ALG13: variants seen among roughly 807,000 people sequenced by gnomAD.
ALG13 encodes ALG13 UDP-N-acetylglucosaminyltransferase subunit.
ALG13 carries 11 observed loss-of-function variants against 87.8 expected under a neutral mutation model. That is an observed-to-expected ratio of 0.13 (90% confidence interval 0.08 to 0.21). ALG13 has a LOEUF of 0.21. ALG13 is among the 10% of genes least tolerant of loss of function. ALG13 has a pLI of 1.00. For missense variants in ALG13, 756 were observed against 866.1 expected (o/e 0.87, Z 1.60); for synonymous variants, 320 against 306.3 (o/e 1.04, Z -0.47).
intron 1 of ALG13, chrX:111,681,915 T>C (rs915450646): frequency 3.3e-6 from 3 of 900,027 alleles, no homozygotes; most frequent in Non-Finnish European, 4.2e-6. Flanking sequence ...CGCGGGACTC[T>C]GCGAGCTGGG....
chrX:111,735,958 TAC>T (rs1057028568), intron 22 of ALG13, among the ~76,000 whole-genome samples: 1 of 109,673 alleles, frequency 9.1e-6, no homozygotes, highest in African/African-American at 3.3e-5. Flanking sequence ...AAAAAAAAAA[TAC>T]AGTCTTACAA....
At chrX:111,757,493 A>AG in intron 25 of ALG13, 95 bp from the exon 26 acceptor site, 3 of 543,303 alleles carry the variant, frequency 5.5e-6, no homozygotes. Flanking sequence ...CCCAATTCTT[A>AG]TTTTTTTTTT....
In ALG13 at chrX:111,759,237, G is replaced by A. The variant is rs926543986; in HGVS notation, c.3149-497G>A. Among the ~76,000 whole-genome samples the A allele has an allele frequency of 7.4e-5, 8 of 107,847 alleles. No homozygotes were observed. The Admixed American group carries it at 8.0e-4, about 11-fold the overall frequency. 93.7% of individuals were successfully genotyped at this position (107,847 alleles called of 115,157 possible). ...ACTGGAACTGACTCATGGCAAAAGTGCTATGAAATTAAAATGTGATCTTAA... is the reference window on the plus strand; with the variant it reads ...ACTGGAACTGACTCATGGCAAAAGTACTATGAAATTAAAATGTGATCTTAA... On this transcript the variant is annotated intron_variant, in intron 26 of 26. Transcript: ENST00000394780.
chrX:111,741,867 G>A (rs1383293501), intron 23 of ALG13, among the ~76,000 whole-genome samples: 7 of 110,080 alleles, frequency 6.4e-5, no homozygotes, highest in African/African-American at 2.3e-4. Flanking sequence ...TACAATAAAT[G>A]TTAATGATGA....
intron 4 of ALG13, 47 bp from the exon 5 acceptor site, chrX:111,708,918 A>G (rs1277688600): frequency 2.4e-5 from 22 of 906,901 alleles, no homozygotes; most frequent in Middle Eastern, 2.7e-4. Context: ...AGAAGTGCCT[A>G]TTTTAAATGA....
At chrX:111,730,909 G>A (rs1274223415) in intron 21 of ALG13, among the ~76,000 whole-genome samples, 1 of 112,055 alleles carries the variant, frequency 8.9e-6, no homozygotes, top group Non-Finnish European at 1.9e-5. Flanking sequence ...GCTTGCTCAG[G>A]TACTTAGGCT....
chrX:111,729,951 C>G (rs1462927674), intron 19 of ALG13, among the ~76,000 whole-genome samples: 1 of 112,287 alleles, frequency 8.9e-6, no homozygotes, highest in Non-Finnish European at 1.9e-5. Flanking sequence ...CTTCCATTAA[C>G]CATCCTCAAA....
At chrX:111,701,924 C>T (rs192848941) in intron 3 of ALG13, among the ~76,000 whole-genome samples, 23 of 111,605 alleles carry the variant, frequency 2.1e-4, no homozygotes, top group African/African-American at 7.5e-4. Context: ...TTCTGTGACA[C>T]ATTGACTTGT....
In ALG13 at chrX:111,700,618, C is replaced by A. The variant is rs760748491; in HGVS notation, c.384-7409C>A. Reference sequence around the variant, plus strand: ...TTGAGATGGAGTCTCACCCTGTCATCCAGGCTGGAGTGCAATGGCGTGATC... The same window carrying A: ...TTGAGATGGAGTCTCACCCTGTCATACAGGCTGGAGTGCAATGGCGTGATC... On this transcript the variant is annotated intron_variant, in intron 3 of 26. Transcript: ENST00000394780. 2.9e-5 allele frequency among the ~76,000 whole-genome samples: 3 copies of A among 104,775 alleles called. No individual in the cohort carries two copies. The South Asian group carries it at 1.4e-3, about 48-fold the overall frequency. 91.0% of individuals were successfully genotyped at this position (104,775 alleles called of 115,157 possible).
intron 19 of ALG13, among the ~76,000 whole-genome samples, chrX:111,728,602 C>T (rs1278962889): frequency 9.0e-6 from 1 of 111,188 alleles, no homozygotes; most frequent in African/African-American, 3.3e-5. Context: ...AACATCTATT[C>T]GTTGTTAGTA....
rs189770099 is a variant in ALG13 at position 111,722,902 on chromosome X, T to C, written c.1500+45T>C. 5.2e-4 allele frequency: 503 copies of C among 966,955 alleles called. 3 individuals are homozygous for C. The African/African-American group carries it at 9.0e-3, about 17-fold the overall frequency. 79.7% of individuals were successfully genotyped at this position (966,955 alleles called of 1,213,427 possible). ...ATCAGTAATTTTTTTAAGAATGTGC[T>C]TTTTGTCATGATATGAGTTGAACAA... On this transcript the variant is annotated intron_variant, in intron 13 of 26. Transcript: ENST00000394780.
chrX:111,702,815 G>A (rs188083498), intron 3 of ALG13, among the ~76,000 whole-genome samples: 1 of 109,595 alleles, frequency 9.1e-6, no homozygotes, highest in African/African-American at 3.3e-5. Flanking sequence ...TAGCTTTTCT[G>A]AGAAAGGGTG....
rs768577063 is a variant in ALG13 at position 111,708,269 on chromosome X, A to G, written c.626A>G (p.Lys209Arg). 2 of 1,210,174 alleles carry G rather than the reference A, an allele frequency of 1.7e-6. No individual in the cohort carries two copies. Residue 209 changes from lysine (K) to arginine (R), a missense_variant, in exon 4 of 27, where the codon AAA becomes AGA. This residue lies in a region of ALG13 where 153 missense variants were observed against 168.7 expected (regional missense o/e 0.91). Transcript: ENST00000394780. ...CTGTACAAAATGCATAAAGGATGGA[A>G]AAACTACTGCAGCCAGAAGTCTTTG... ...PTLYKMHKGWKNYCSQKSLNE... is the reference protein window; with the variant it reads ...PTLYKMHKGWRNYCSQKSLNE...
chrX:111,754,595 A>G (rs1302988963), intron 25 of ALG13, among the ~76,000 whole-genome samples: 1 of 112,377 alleles, frequency 8.9e-6, no homozygotes, highest in Non-Finnish European at 1.9e-5. Flanking sequence ...GTTGTGTGCA[A>G]CACAAAATCA....
chrX:111,684,862 C>A, intron 2 of ALG13, 103 bp from the exon 3 acceptor site: 2 of 748,671 alleles, frequency 2.7e-6, no homozygotes, highest in Non-Finnish European at 3.9e-6. Flanking sequence ...GTTTGTAGTT[C>A]TGTCAACTTA....
intron 5 of ALG13, among the ~76,000 whole-genome samples, chrX:111,710,011 T>G (rs1180426673): frequency 9.2e-6 from 1 of 108,900 alleles, no homozygotes; most frequent in African/African-American, 3.4e-5. Flanking sequence ...TAGGTCTGAG[T>G]TGGGGCCCGA....
At position 111,708,217 on chromosome X, in the gene ALG13, T is replaced by G; in HGVS notation, c.574T>G (p.Phe192Val). ...CTLLFPSCHAFFPLPLTPTLY... is the reference protein window; with the variant it reads ...CTLLFPSCHAVFPLPLTPTLY... ...CCTGCTTTTTCCCTCTTGCCACGCTTTTTTTCCTCTCCCTCTTACCCCCAC... is the reference window on the plus strand; with the variant it reads ...CCTGCTTTTTCCCTCTTGCCACGCTGTTTTTCCTCTCCCTCTTACCCCCAC... The change falls in exon 4 of 27, where the codon TTT becomes GTT. Residue 192 changes from phenylalanine (F) to valine (V), a missense_variant. Coordinates refer to ENST00000394780, the MANE Select transcript of ALG13 (RefSeq NM_001099922.3). 8.3e-7 allele frequency: 1 copy of G among 1,211,476 alleles called. No individual in the cohort carries two copies. Among genetic ancestry groups the G allele is most frequent in the Non-Finnish European group, 1.1e-6 (1 of 895,345 alleles).
chrX:111,753,520 A>G (rs1302760899), intron 25 of ALG13, among the ~76,000 whole-genome samples: 1 of 112,022 alleles, frequency 8.9e-6, no homozygotes, highest in East Asian at 2.8e-4. Context: ...TTGTTTTGAA[A>G]AGATTAACAA....
At position 111,723,813 on chromosome X, in the gene ALG13, G is replaced by C; in HGVS notation, c.1516G>C (p.Glu506Gln). Residue 506 changes from glutamate to glutamine, a missense_variant, in exon 14 of 27, where the codon GAA (glutamate) becomes CAA (glutamine). Transcript: ENST00000394780. ...CTCTTTTCAGGTTTGCTTGGAATCA[G>C]AAGGAAGATATTATAATGCTCATAT... ...GDKCQVCLESEGRYYNAHIQE... is the reference protein window; with the variant it reads ...GDKCQVCLESQGRYYNAHIQE... 1 of 1,177,291 alleles carries C rather than the reference G, an allele frequency of 8.5e-7. No homozygotes were observed. Among genetic ancestry groups the C allele is most frequent in the Non-Finnish European group, 1.1e-6 (1 of 874,349 alleles).
Sources: allele counts gnomAD v4.1 joint callset (sites outside exome capture counted in the v4.1 genomes callset), GRCh38; gene constraint gnomAD v4.1.1; regional missense constraint gnomAD v4.1.1; transcripts MANE v1.5; gene names NCBI Gene and HGNC (gene_info 2026-07-23, HGNC 2026-07-21).